Variants in CFAP299 observed in about 807,000 individuals in gnomAD.
The protein encoded by CFAP299 is cilia and flagella associated protein 299, also known as cilia- and flagella-associated protein 299.
In CFAP299, 21 loss-of-function variants were observed where a neutral mutation model predicts 27.0. The ratio of observed to expected loss-of-function variants is 0.78; its 90% CI spans 0.55 to 1.12. CFAP299 has a LOEUF of 1.12. Among genes scored for constraint, CFAP299 ranks in the 50% most tolerant of loss-of-function variants. The pLI, the probability that CFAP299 is intolerant of heterozygous loss-of-function variation, is 0.00. For synonymous variants in CFAP299, 104 were observed against 98.1 expected, an observed-to-expected ratio of 1.06 and a Z score of -0.36; for missense variants, 310 against 276.6, an observed-to-expected ratio of 1.12 and a Z score of -0.86.
chr4:80,401,496 CT>C (rs1305675225), intron 2 of CFAP299, among the ~76,000 whole-genome samples: 1 of 152,220 alleles, frequency 6.6e-6, no homozygotes, highest in Non-Finnish European at 1.5e-5. Flanking sequence ...AGCCCCAAGT[CT>C]TGGCAGCTTC....
At chr4:80,705,385 G>A (rs972597591) in intron 3 of CFAP299, among the ~76,000 whole-genome samples, 1 of 151,878 alleles carries the variant, frequency 6.6e-6, no homozygotes, top group African/African-American at 2.4e-5. Flanking sequence ...GATCATGGAT[G>A]TTGGTGGATG....
At position 80,525,587 on chromosome 4, in the gene CFAP299, G is replaced by A. The variant is rs534913999; in HGVS notation, c.243-57506G>A. On this transcript the variant is annotated intron_variant, in intron 2 of 5. Transcript: ENST00000358105. ...TTTCTGAATCTTTCAAGAGCTCTTA[G>A]GAGTGGGATAAAACTCTTTAGCAAA... Among the ~76,000 whole-genome samples, 7 of 152,208 alleles carry A rather than the reference G, an allele frequency of 4.6e-5. No individual in the cohort carries two copies. In the South Asian group the frequency reaches 1.5e-3, roughly 32 times the overall value.
At chr4:80,442,126 C>T (rs2110087539) in intron 2 of CFAP299, among the ~76,000 whole-genome samples, 1 of 152,310 alleles carries the variant, frequency 6.6e-6, no homozygotes, top group Middle Eastern at 3.4e-3. Flanking sequence ...TACCACCCCA[C>T]TGTCAATATT....
chr4:80,728,596 C>A (rs567548307), intron 3 of CFAP299, among the ~76,000 whole-genome samples: 1 of 152,252 alleles, frequency 6.6e-6, no homozygotes, highest in South Asian at 2.1e-4. Context: ...TGGAAACTAA[C>A]CTCACCCATC....
At chr4:80,536,130 G>A (rs1172505113) in intron 2 of CFAP299, among the ~76,000 whole-genome samples, 1 of 152,084 alleles carries the variant, frequency 6.6e-6, no homozygotes, top group Non-Finnish European at 1.5e-5. Flanking sequence ...AGCAGTGGGT[G>A]GTAGTTATAT....
chr4:80,785,808 CCA>C, intron 3 of CFAP299, among the ~76,000 whole-genome samples: 1 of 152,170 alleles, frequency 6.6e-6, no homozygotes, highest in African/African-American at 2.4e-5. Flanking sequence ...TTAATATTTT[CCA>C]CAGAGTGTGA....
At chr4:80,815,819 TA>T (rs1729393413) in intron 3 of CFAP299, among the ~76,000 whole-genome samples, 1 of 151,982 alleles carries the variant, frequency 6.6e-6, no homozygotes. Context: ...ATTGAATGCG[TA>T]AGTAAAGGGC....
chr4:80,436,503 C>T lies in CFAP299; in HGVS notation c.242+73619C>T, dbSNP rs528199041. On this transcript the variant is annotated intron_variant, in intron 2 of 5. Transcript: ENST00000358105. ...TGTTTTAGTAGAGACGGGGTTTCACCGTGTTAGCCAGGATGGTCTCAATCT... is the reference window on the plus strand; with the variant it reads ...TGTTTTAGTAGAGACGGGGTTTCACTGTGTTAGCCAGGATGGTCTCAATCT... Among the ~76,000 whole-genome samples the T allele has an allele frequency of 2.2e-4, 34 of 152,158 alleles. 1 individual carries two copies. In the South Asian group the frequency reaches 2.9e-3, roughly 13 times the overall value.
At chr4:80,894,169 T>A (rs919080982) in intron 4 of CFAP299, among the ~76,000 whole-genome samples, 1 of 151,764 alleles carries the variant, frequency 6.6e-6, no homozygotes, top group African/African-American at 2.4e-5. Flanking sequence ...CAATAAAATA[T>A]CACCTCACAC....
rs756472910 is a variant in CFAP299, at chr4:80,944,957, CTTAG to C, written c.606+26_606+29del. On this transcript the variant is annotated intron_variant, in intron 5 of 5. Coordinates refer to ENST00000358105, the MANE Select transcript of CFAP299 (RefSeq NM_152770.3). The stretch of plus-strand genomic sequence containing the variant: ...ACCCAAAGGTAATTCTTCTTTTACA[CTTAG>C]TTAGTTACCTCTTCACATGTTATTG... 5.4e-5 allele frequency: 86 copies of C among 1,603,110 alleles called. 1 individual carries two copies. Among genetic ancestry groups the C allele is most frequent in the South Asian group, 1.9e-4 (17 of 89,958 alleles).
At chr4:80,786,987 A>G (rs567042482) in intron 3 of CFAP299, among the ~76,000 whole-genome samples, 15 of 152,074 alleles carry the variant, frequency 9.9e-5, no homozygotes, top group African/African-American at 2.9e-4. Flanking sequence ...TTGATCAATA[A>G]GATAGAGAAA....
intron 2 of CFAP299, among the ~76,000 whole-genome samples, chr4:80,505,186 A>C (rs1560598806): frequency 6.6e-6 from 1 of 151,652 alleles, no homozygotes; most frequent in Non-Finnish European, 1.5e-5. Flanking sequence ...CATACACTTT[A>C]CCTGTGTTAC....
intron 2 of CFAP299, among the ~76,000 whole-genome samples, chr4:80,471,123 C>T (rs1052126104): frequency 6.6e-6 from 1 of 152,100 alleles, no homozygotes; most frequent in Non-Finnish European, 1.5e-5. Flanking sequence ...ATAAATTGCT[C>T]AAGCCTCATA....
chr4:80,400,218 G>A (rs528883803), intron 2 of CFAP299, among the ~76,000 whole-genome samples: 5 of 152,258 alleles, frequency 3.3e-5, no homozygotes, highest in South Asian at 4.1e-4. Flanking sequence ...AATAGTAGTA[G>A]CATTTTAACT....
At chr4:80,450,469 A>G (rs1728844028) in intron 2 of CFAP299, among the ~76,000 whole-genome samples, 1 of 152,158 alleles carries the variant, frequency 6.6e-6, no homozygotes, top group Admixed American at 6.5e-5. Context: ...TGTTCCAAAG[A>G]AGCTCTAAAT....
chr4:80,366,597 G>C (rs554034526), intron 2 of CFAP299, among the ~76,000 whole-genome samples: 1 of 152,268 alleles, frequency 6.6e-6, no homozygotes, highest in South Asian at 2.1e-4. Context: ...TTGAAGACTA[G>C]AGAAATGAAA....
At chr4:80,443,190 C>A (rs1578448464) in intron 2 of CFAP299, among the ~76,000 whole-genome samples, 1 of 152,168 alleles carries the variant, frequency 6.6e-6, no homozygotes, top group Non-Finnish European at 1.5e-5. Flanking sequence ...ATTTTATGGG[C>A]CAGCGTCATC....
At chr4:80,770,574 C>T (rs1726153059) in intron 3 of CFAP299, among the ~76,000 whole-genome samples, 1 of 152,200 alleles carries the variant, frequency 6.6e-6, no homozygotes, top group Non-Finnish European at 1.5e-5. Context: ...AACATCCCCT[C>T]AAGAGACGTG....
intron 3 of CFAP299, among the ~76,000 whole-genome samples, chr4:80,638,554 C>T (rs954143896): frequency 3.3e-5 from 5 of 152,114 alleles, no homozygotes; most frequent in Admixed American, 2.6e-4. Context: ...ACTTAAAACA[C>T]GGAGTCCAAC....
Sources: gnomAD v4.1 joint callset for allele counts (sites outside exome capture counted in the v4.1 genomes callset) on GRCh38, gnomAD v4.1.1 for gene constraint, MANE v1.5 for transcripts, NCBI Gene and HGNC (gene_info 2026-07-23, HGNC 2026-07-21) for gene names.